Variants in NUP37 observed in about 807,000 individuals in gnomAD.
The protein encoded by NUP37 is nucleoporin 37.
NUP37 carries 33 observed loss-of-function variants against 45.4 expected under a neutral mutation model. That is an observed-to-expected ratio of 0.73 (90% confidence interval 0.55 to 0.97). The LOEUF is 0.97. Among genes scored for constraint, NUP37 ranks in the 50% least tolerant of loss-of-function variants. The pLI is 0.00. For missense variants in NUP37, 365 were observed against 389.7 expected (o/e 0.94, Z 0.53); for synonymous variants, 127 against 130.7 (o/e 0.97, Z 0.19).
intron 3 of NUP37, among the ~76,000 whole-genome samples, chr12:102,104,736 T>C (rs1357376590): frequency 1.3e-5 from 2 of 152,244 alleles, no homozygotes; most frequent in Non-Finnish European, 2.9e-5. Flanking sequence ...TTGGAACCTT[T>C]GTCAAAGATC....
intron 6 of NUP37, among the ~76,000 whole-genome samples, chr12:102,084,829 A>G (rs945313510): frequency 2.6e-5 from 4 of 152,322 alleles, no homozygotes; most frequent in African/African-American, 4.8e-5. Context: ...AACTTCTCAG[A>G]TTCTAGGGAA....
At chr12:102,105,488 C>T (rs1880114082) in intron 3 of NUP37, among the ~76,000 whole-genome samples, 1 of 152,112 alleles carries the variant, frequency 6.6e-6, no homozygotes, top group Non-Finnish European at 1.5e-5. Context: ...TGATATCATG[C>T]CATTGCACTC....
chr12:102,074,449 C>T lies in NUP37; in HGVS notation c.886G>A (p.Val296Ile). 1 of 1,607,268 alleles carries T rather than the reference C, an allele frequency of 6.2e-7. No individual in the cohort carries two copies. The highest frequency in any genetic ancestry group is 8.5e-7 in the Non-Finnish European group (1 of 1,175,974). ...GHPQPILMGS[V>I]AVGSGLSWHR... ...CAGGACAGTCCAGATCCAACGGCTACAGAACCCATGAGGATGGGCTATAAA... is the reference window on the plus strand; with the variant it reads ...CAGGACAGTCCAGATCCAACGGCTATAGAACCCATGAGGATGGGCTATAAA... The change falls in exon 10 of 10, where the codon GTA becomes ATA. Residue 296 changes from valine (V) to isoleucine (I), a missense_variant. Val to Ile is a conservative substitution (Grantham distance 29). Coordinates refer to ENST00000552283, the MANE Select transcript of NUP37 (RefSeq NM_024057.4).
intron 9 of NUP37, 176 bp downstream of exon 9, chr12:102,074,825 A>T (rs1879123229): frequency 2.1e-6 from 1 of 466,142 alleles, no homozygotes; most frequent in African/African-American, 2.0e-5. Flanking sequence ...AAACATCAAA[A>T]AAAAACCACA....
Position 102,074,407 on chromosome 12 carries a change from G to C in NUP37, c.928C>G (p.Leu310Val), listed in dbSNP as rs757604427. 10 of 1,613,272 alleles carry C rather than the reference G, an allele frequency of 6.2e-6. 1 individual carries two copies. The South Asian group carries it at 8.8e-5, about 14-fold the overall frequency. The change falls in exon 10 of 10, where the codon CTG becomes GTG. Residue 310 changes from leucine (L) to valine (V), a missense_variant. Leu to Val is a conservative substitution (Grantham distance 32, BLOSUM62 1). Coordinates refer to ENST00000552283, the MANE Select transcript of NUP37 (RefSeq NM_024057.4). Reference protein sequence around the residue: ...SGLSWHRTLPLCVIGGDHKLL... With the variant: ...SGLSWHRTLPVCVIGGDHKLL... ...TTGTGGTCTCCTCCAATTACACACA[G>C]AGGGAGAGTTCGATGCCAGGACAGT...
At chr12:102,100,888 T>C in intron 4 of NUP37, 144 bp downstream of exon 4, 1 of 516,268 alleles carries the variant, frequency 1.9e-6, no homozygotes, top group Non-Finnish European at 3.4e-6. Flanking sequence ...TTATAACCTA[T>C]AGTAGAGTAA....
intron 2 of NUP37, among the ~76,000 whole-genome samples, chr12:102,116,563 G>A (rs2136759072): frequency 6.6e-6 from 1 of 152,298 alleles, no homozygotes; most frequent in African/African-American, 2.4e-5. Context: ...TAGGCTAGGA[G>A]CTGTCATATT....
chr12:102,119,424 A>T (rs1309605679), intron 1 of NUP37: 2 of 152,180 alleles, frequency 1.3e-5, no homozygotes, highest in East Asian at 3.9e-4. Flanking sequence ...TAAAATAATA[A>T]TATTCTTAAA....
chr12:102,115,755 A>C (rs1198430830), intron 2 of NUP37: 1 of 829,064 alleles, frequency 1.2e-6, no homozygotes, highest in East Asian at 1.2e-4. Context: ...CCTTAAAATA[A>C]GGATTATCTT....
intron 3 of NUP37, among the ~76,000 whole-genome samples, chr12:102,111,146 A>G (rs565691244): frequency 2.6e-5 from 4 of 152,350 alleles, no homozygotes; most frequent in East Asian, 1.9e-4. Context: ...ACTGGTATAC[A>G]TAACAATGTG....
At chr12:102,110,389 T>C (rs1466620449) in intron 3 of NUP37, among the ~76,000 whole-genome samples, 3 of 150,540 alleles carry the variant, frequency 2.0e-5, no homozygotes, top group Non-Finnish European at 4.4e-5. Flanking sequence ...TAGTTCCAGC[T>C]ACTTGGGAGG....
chr12:102,118,698 A>G (rs1251473011), intron 1 of NUP37, 115 bp from the exon 2 acceptor site: 6 of 552,284 alleles, frequency 1.1e-5, no homozygotes, highest in Non-Finnish European at 1.9e-5. Flanking sequence ...AGAAACATTT[A>G]AAGTACTTAT....
chr12:102,118,347 A>G lies in NUP37; in HGVS notation c.156+16T>C. 1 of 1,605,140 alleles carries G rather than the reference A, an allele frequency of 6.2e-7. No homozygotes were observed. Among genetic ancestry groups the G allele is most frequent in the Non-Finnish European group, 8.5e-7 (1 of 1,176,252 alleles). On this transcript the variant is annotated intron_variant, in intron 2 of 9. Coordinates refer to ENST00000552283, the MANE Select transcript of NUP37 (RefSeq NM_024057.4). ...AAATATGTTCACTGTCATTCGGTGC[A>G]GTTTTGTAGACTAACCTGAAACGTA...
At chr12:102,088,309 T>C (rs750376683) in intron 5 of NUP37, among the ~76,000 whole-genome samples, 6 of 152,228 alleles carry the variant, frequency 3.9e-5, no homozygotes, top group Non-Finnish European at 8.8e-5. Context: ...ATCTGGTTAA[T>C]ATTACTTACA....
Position 102,116,682 on chromosome 12 carries a change from T to C in NUP37, c.156+1681A>G, listed in dbSNP as rs566281674. Among the ~76,000 whole-genome samples the C allele has an allele frequency of 5.3e-5, 8 of 152,334 alleles. No individual in the cohort carries two copies. In the South Asian group the frequency reaches 1.5e-3, roughly 28 times the overall value. ...ATTCATTGTGCTATAAAATGCCAAA[T>C]TGCATTTTTGATGTCAGAATACTGT... On this transcript the variant is annotated intron_variant, in intron 2 of 9. Transcript: ENST00000552283.
At chr12:102,077,065 C>G in intron 7 of NUP37, 1 of 608,810 alleles carries the variant, frequency 1.6e-6, no homozygotes, top group Non-Finnish European at 2.9e-6. Context: ...CAGTGTTTTT[C>G]TTATTTTCCA....
chr12:102,093,117 A>G (rs886596649), intron 5 of NUP37, among the ~76,000 whole-genome samples: 6 of 152,086 alleles, frequency 3.9e-5, no homozygotes, highest in African/African-American at 9.7e-5. Flanking sequence ...ACTGAAAATA[A>G]TATGTCAAAA....
At chr12:102,097,822 G>A (rs929187984) in intron 5 of NUP37, among the ~76,000 whole-genome samples, 1 of 152,070 alleles carries the variant, frequency 6.6e-6, no homozygotes, top group Non-Finnish European at 1.5e-5. Context: ...TGGTTTTGTA[G>A]TACCTGGGGC....
At chr12:102,117,222 G>C (rs1880489932) in intron 2 of NUP37, among the ~76,000 whole-genome samples, 1 of 152,084 alleles carries the variant, frequency 6.6e-6, no homozygotes, top group African/African-American at 2.4e-5. Flanking sequence ...GGGAGGCCGA[G>C]GTAGGCAAAT....
Sources: allele counts gnomAD v4.1 joint callset (sites outside exome capture counted in the v4.1 genomes callset), GRCh38; gene constraint gnomAD v4.1.1; transcripts MANE v1.5; gene names NCBI Gene and HGNC (gene_info 2026-07-23, HGNC 2026-07-21).